The following PTPRD variants were observed in gnomAD, a reference collection of about 807,000 sequenced individuals.
The protein encoded by PTPRD is receptor-type tyrosine-protein phosphatase delta.
Under a neutral mutation model 214.5 loss-of-function variants are expected in PTPRD, and 34 were observed. The observed-to-expected ratio is 0.16, with a 90% CI of 0.12 to 0.21. The LOEUF (loss-of-function observed/expected upper bound fraction) is 0.21, where lower values mean the gene tolerates loss of function less well. PTPRD is among the 10% of genes least tolerant of loss of function. PTPRD has a pLI of 1.00. For missense variants in PTPRD, 2,545 were observed against 2,398.7 expected (o/e 1.06, Z -1.27); for synonymous variants, 1,128 against 845.7 (o/e 1.33, Z -5.79).
At chr9:9,766,169 T>C (rs2098705487) in intron 6 of PTPRD, among the ~76,000 whole-genome samples, 1 of 152,196 alleles carries the variant, frequency 6.6e-6, no homozygotes. Context: ...ACATTTTCTT[T>C]TCAACTCTCT....
intron 6 of PTPRD, among the ~76,000 whole-genome samples, chr9:9,762,729 C>G (rs563190919): frequency 6.6e-6 from 1 of 152,332 alleles, no homozygotes; most frequent in South Asian, 2.1e-4. Flanking sequence ...TCATGCAACT[C>G]AGAACTCTTC....
At chr9:10,296,782 TG>T (rs1182718962) in intron 3 of PTPRD, among the ~76,000 whole-genome samples, 3 of 152,090 alleles carry the variant, frequency 2.0e-5, no homozygotes, top group Admixed American at 6.6e-5. Context: ...ATTCCAGGCA[TG>T]GTTTTCACTG....
intron 9 of PTPRD, among the ~76,000 whole-genome samples, chr9:9,379,196 G>GATATATATATATAT (rs61595587): frequency 1.2e-3 from 176 of 145,192 alleles, no homozygotes; most frequent in African/African-American, 4.3e-3. Context: ...TCTATGTTGA[G>GATATATATATATAT]ATATATATAT....
intron 4 of PTPRD, among the ~76,000 whole-genome samples, chr9:9,989,252 C>A (rs2095830215): frequency 6.6e-6 from 1 of 152,086 alleles, no homozygotes; most frequent in East Asian, 1.9e-4. Context: ...ATCCTCAAGT[C>A]TGGACCCACG....
At chr9:9,599,323 T>C (rs577259764) in intron 7 of PTPRD, among the ~76,000 whole-genome samples, 3 of 152,192 alleles carry the variant, frequency 2.0e-5, no homozygotes, top group African/African-American at 7.2e-5. Context: ...AATTTACAGA[T>C]GCCCACTGGC....
chr9:9,622,804 T>C (rs908273597), intron 7 of PTPRD, among the ~76,000 whole-genome samples: 6 of 152,244 alleles, frequency 3.9e-5, no homozygotes, highest in African/African-American at 1.4e-4. Flanking sequence ...CTCAGGAATC[T>C]CACAACAGGG....
chr9:10,167,756 T>G (rs911939534), intron 3 of PTPRD, among the ~76,000 whole-genome samples: 2 of 152,196 alleles, frequency 1.3e-5, no homozygotes, highest in South Asian at 4.2e-4. Flanking sequence ...GCTGTAAGAG[T>G]TGATACTGTG....
Position 10,102,835 on chromosome 9 carries a change from T to C in PTPRD, c.-544-69045A>G, listed in dbSNP as rs146908811. 4.7e-3 allele frequency among the ~76,000 whole-genome samples: 711 copies of C among 151,850 alleles called. 5 individuals are homozygous for C. Among genetic ancestry groups the C allele is most frequent in the African/African-American group, 0.016 (680 of 41,510 alleles). On this transcript the variant is annotated intron_variant, in intron 3 of 45. Transcript: ENST00000381196. ...TATCAGAAACATTACACTTACATTC[T>C]AGTCAAATTCTTACAATGGAAAACT...
chr9:9,624,285 G>C (rs951530621), intron 7 of PTPRD, among the ~76,000 whole-genome samples: 1 of 150,174 alleles, frequency 6.7e-6, no homozygotes, highest in Non-Finnish European at 1.5e-5. Context: ...TTTTTTGTTT[G>C]TTTGTTTGTT....
intron 11 of PTPRD, among the ~76,000 whole-genome samples, chr9:8,948,505 TTATATATATATA>T (rs1189733065): frequency 1.5e-4 from 2 of 13,058 alleles, no homozygotes; most frequent in Non-Finnish European, 1.7e-4. Flanking sequence ...ATATATATAT[TTATATATATATA>T]TTTATATATA....
At chr9:8,324,269 G>A (rs916787138) in intron 44 of PTPRD, among the ~76,000 whole-genome samples, 4 of 152,036 alleles carry the variant, frequency 2.6e-5, no homozygotes, top group Non-Finnish European at 4.4e-5. Flanking sequence ...CCCCCTGGCA[G>A]GCCCTGGTGT....
At chr9:10,570,667 G>A (rs1033680934) in intron 2 of PTPRD, among the ~76,000 whole-genome samples, 2 of 151,922 alleles carry the variant, frequency 1.3e-5, no homozygotes, top group African/African-American at 2.4e-5. Flanking sequence ...TGCTAGTCAG[G>A]ACCATCTACC....
chr9:9,173,543 C>G (rs953275454), intron 10 of PTPRD, among the ~76,000 whole-genome samples: 4 of 152,088 alleles, frequency 2.6e-5, no homozygotes, highest in Non-Finnish European at 5.9e-5. Context: ...GCCTACTACC[C>G]ACCTAGGCTA....
intron 9 of PTPRD, among the ~76,000 whole-genome samples, chr9:9,397,225 C>A (rs191529806): frequency 7.9e-5 from 12 of 151,990 alleles, no homozygotes; most frequent in African/African-American, 2.9e-4. Context: ...GTAAGTGAAG[C>A]ATTTGTGAAA....
At chr9:9,486,261 G>A (rs942864287) in intron 8 of PTPRD, among the ~76,000 whole-genome samples, 1 of 139,828 alleles carries the variant, frequency 7.2e-6, no homozygotes, top group East Asian at 2.3e-4. Flanking sequence ...TGAATAAGTA[G>A]TCAACATCCC....
At chr9:10,554,864 G>A (rs543682841) in intron 2 of PTPRD, among the ~76,000 whole-genome samples, 10 of 152,172 alleles carry the variant, frequency 6.6e-5, no homozygotes, top group African/African-American at 1.9e-4. Context: ...GTTTCACTGT[G>A]TTAGCCAGGA....
At chr9:8,845,792 T>C (rs979563890) in intron 11 of PTPRD, among the ~76,000 whole-genome samples, 15 of 152,320 alleles carry the variant, frequency 9.8e-5, no homozygotes, top group African/African-American at 3.6e-4. Flanking sequence ...CCCACTGCAG[T>C]TCCTACGGCT....
At chr9:9,493,785 C>T (rs1427811026) in intron 8 of PTPRD, among the ~76,000 whole-genome samples, 2 of 75,460 alleles carry the variant, frequency 2.7e-5, no homozygotes, top group African/African-American at 1.2e-4. Context: ...AAGACTCCGT[C>T]TCAAAAAAAA....
chr9:9,838,037 C>A (rs188075020), intron 5 of PTPRD, among the ~76,000 whole-genome samples: 1 of 151,990 alleles, frequency 6.6e-6, no homozygotes, highest in Non-Finnish European at 1.5e-5. Context: ...TGTGTCCTTG[C>A]GATAGTTTAC....
Sources: allele counts gnomAD v4.1 joint callset (sites outside exome capture counted in the v4.1 genomes callset), GRCh38; gene constraint gnomAD v4.1.1; transcripts MANE v1.5; gene names NCBI Gene and HGNC (gene_info 2026-07-23, HGNC 2026-07-21).